DLGAP1: variants seen among roughly 807,000 people sequenced by gnomAD.
The protein encoded by DLGAP1 is disks large-associated protein 1.
A neutral mutation model predicts 90.8 loss-of-function variants in DLGAP1; 11 were observed. That is an observed-to-expected ratio of 0.12 (90% CI 0.08 to 0.20). The LOEUF (loss-of-function observed/expected upper bound fraction) is 0.20, where lower values mean the gene tolerates loss of function less well. Ranked by LOEUF, DLGAP1 falls within the 10% of genes least tolerant of loss-of-function variation. The pLI is 1.00. For synonymous variants in DLGAP1, 558 were observed against 540.7 expected, an observed-to-expected ratio of 1.03 and a Z score of -0.44; for missense variants, 1,050 against 1,333.8, an observed-to-expected ratio of 0.79 and a Z score of 3.31.
At chr18:3,831,891 C>T (rs1284874402) in intron 4 of DLGAP1, among the ~76,000 whole-genome samples, 1 of 152,182 alleles carries the variant, frequency 6.6e-6, no homozygotes, top group East Asian at 1.9e-4. Flanking sequence ...CCTTTGGAAA[C>T]TTCATATTTT....
Position 4,354,887 on chromosome 18 carries a change from C to CAAAAAAAAAAAAAAAAAA in DLGAP1, c.-267+100101_-267+100118dup, listed in dbSNP as rs60379984. On this transcript the variant is annotated intron_variant, in intron 1 of 12. Transcript: ENST00000315677. ...TGGCTTTTTCTGCAATTACTCTCAC[C>CAAAAAAAAAAAAAAAAAA]AAAAAAAAAAAAAAAAAAAAAAAAA... Among the ~76,000 whole-genome samples, 6 of 23,874 alleles carry CAAAAAAAAAAAAAAAAAA rather than the reference C, an allele frequency of 2.5e-4. 1 individual carries two copies. The highest frequency in any genetic ancestry group is 4.5e-4 in the African/African-American group (4 of 8,960). The allele number at this position is 23,874 out of a possible 152,430, so 15.7% of individuals were successfully genotyped here.
At chr18:4,306,471 G>C (rs9807453) in intron 1 of DLGAP1, among the ~76,000 whole-genome samples, 35 of 151,134 alleles carry the variant, frequency 2.3e-4, no homozygotes, top group Non-Finnish European at 4.4e-4. Context: ...GTGAGAGAGA[G>C]AGAGACAGAC....
intron 9 of DLGAP1, among the ~76,000 whole-genome samples, chr18:3,564,492 A>C (rs1475700864): frequency 1.3e-5 from 2 of 152,198 alleles, no homozygotes; most frequent in Non-Finnish European, 2.9e-5. Flanking sequence ...TGCTGCGTGC[A>C]GGCCCTGTGA....
intron 9 of DLGAP1, among the ~76,000 whole-genome samples, chr18:3,551,189 A>ATATATATATAT (rs1568178713): frequency 5.7e-4 from 2 of 3,508 alleles, no homozygotes; most frequent in African/African-American, 8.1e-4. Flanking sequence ...ACATACATAT[A>ATATATATATAT]AATGCTTTTT....
In DLGAP1 at chr18:3,746,089, T is replaced by C. The variant is rs561644437; in HGVS notation, c.1173-3577A>G. On this transcript the variant is annotated intron_variant, in intron 5 of 12. Coordinates refer to ENST00000315677, the MANE Select transcript of DLGAP1 (RefSeq NM_004746.4). Reference sequence around the variant, plus strand: ...TAAGGACTCCAGAAACAGAACTAAGTATGTGTTTGAATATAATATATTGCA... The same window carrying C: ...TAAGGACTCCAGAAACAGAACTAAGCATGTGTTTGAATATAATATATTGCA... Among the ~76,000 whole-genome samples the C allele has an allele frequency of 2.2e-4, 34 of 152,212 alleles. 1 individual carries two copies. In the South Asian group the frequency reaches 6.6e-3, roughly 30 times the overall value.
At chr18:4,415,473 T>A (rs930892819) in intron 1 of DLGAP1, among the ~76,000 whole-genome samples, 2 of 152,188 alleles carry the variant, frequency 1.3e-5, no homozygotes, top group African/African-American at 2.4e-5. Flanking sequence ...TTGCATGCAA[T>A]GAATCAGGTT....
intron 3 of DLGAP1, among the ~76,000 whole-genome samples, chr18:3,889,047 C>CT (rs1354397997): frequency 3.9e-5 from 6 of 152,124 alleles, no homozygotes; most frequent in Admixed American, 3.9e-4. Flanking sequence ...GACAGCCTGT[C>CT]TTATGCGGGT....
chr18:3,630,212 C>T (rs1310551372), intron 7 of DLGAP1, among the ~76,000 whole-genome samples: 1 of 152,062 alleles, frequency 6.6e-6, no homozygotes, highest in Admixed American at 6.6e-5. Flanking sequence ...AATTGAAGAC[C>T]GGAATAGAAT....
intron 5 of DLGAP1, among the ~76,000 whole-genome samples, chr18:3,790,694 T>C (rs1423270534): frequency 2.0e-5 from 3 of 152,216 alleles, no homozygotes; most frequent in Non-Finnish European, 4.4e-5. Context: ...TTTGCCTGCA[T>C]TTCCTTTTAA....
chr18:4,167,994 C>T (rs34775513), intron 1 of DLGAP1, among the ~76,000 whole-genome samples: 15,530 of 152,150 alleles, frequency 0.1, 991 homozygotes, highest in East Asian at 0.26. Context: ...ACTCAACATA[C>T]TAAAGATATC....
chr18:3,761,593 T>C (rs1436063451), intron 5 of DLGAP1, among the ~76,000 whole-genome samples: 2 of 151,532 alleles, frequency 1.3e-5, no homozygotes, highest in Non-Finnish European at 2.9e-5. Context: ...TTTTTTTTTT[T>C]AAGACGGAGT....
intron 4 of DLGAP1, among the ~76,000 whole-genome samples, chr18:3,830,894 G>A (rs1027272382): frequency 3.3e-5 from 5 of 152,136 alleles, no homozygotes; most frequent in Admixed American, 6.5e-5. Context: ...ACAACATATT[G>A]TAAAGTAAAA....
At chr18:4,258,883 C>G (rs938340771) in intron 1 of DLGAP1, among the ~76,000 whole-genome samples, 3 of 152,060 alleles carry the variant, frequency 2.0e-5, no homozygotes, top group Admixed American at 6.6e-5. Flanking sequence ...ACAATAGGAA[C>G]CAAGCAGAGA....
chr18:4,073,421 T>C (rs1432031812), intron 2 of DLGAP1, among the ~76,000 whole-genome samples: 1 of 152,182 alleles, frequency 6.6e-6, no homozygotes, highest in Middle Eastern at 3.2e-3. Context: ...AAATGCTCTA[T>C]CAACAGCACG....
chr18:3,856,878 A>G (rs1364464865), intron 4 of DLGAP1, among the ~76,000 whole-genome samples: 2 of 152,014 alleles, frequency 1.3e-5, no homozygotes, highest in African/African-American at 4.8e-5. Flanking sequence ...AAAAAAAAAG[A>G]AACACAGCTG....
intron 1 of DLGAP1, among the ~76,000 whole-genome samples, chr18:4,160,336 C>A (rs964587921): frequency 1.3e-5 from 2 of 152,174 alleles, no homozygotes. Flanking sequence ...TTTGTCCCTA[C>A]TGAACTCCCA....
chr18:3,606,381 T>C (rs1300280463), intron 7 of DLGAP1, among the ~76,000 whole-genome samples: 2 of 152,192 alleles, frequency 1.3e-5, no homozygotes, highest in African/African-American at 4.8e-5. Context: ...CCTTACATTA[T>C]AGAGTTTGGG....
At chr18:4,153,751 G>GA (rs1488851639) in intron 1 of DLGAP1, among the ~76,000 whole-genome samples, 1 of 152,116 alleles carries the variant, frequency 6.6e-6, no homozygotes. Context: ...TCTTTTTCTA[G>GA]AATCAGCTAC....
At chr18:4,189,021 ACT>A (rs2077348644) in intron 1 of DLGAP1, among the ~76,000 whole-genome samples, 1 of 151,878 alleles carries the variant, frequency 6.6e-6, no homozygotes, top group Non-Finnish European at 1.5e-5. Flanking sequence ...CACTGTAAAA[ACT>A]CTTAAAAATG....
Sources: allele counts gnomAD v4.1 joint callset (sites outside exome capture counted in the v4.1 genomes callset), GRCh38; gene constraint gnomAD v4.1.1; transcripts MANE v1.5; gene names NCBI Gene and HGNC (gene_info 2026-07-23, HGNC 2026-07-21).